The following CDK14 variants were observed in gnomAD, a reference collection of about 807,000 sequenced individuals.
CDK14 encodes cyclin dependent kinase 14.
A neutral mutation model predicts 60.7 loss-of-function variants in CDK14; 34 were observed. The ratio of observed to expected loss-of-function variants is 0.56; its 90% CI spans 0.43 to 0.75. CDK14 has a LOEUF of 0.75. Ranked by LOEUF, CDK14 falls within the 30% of genes least tolerant of loss-of-function variation. CDK14 has a pLI of 0.00. For synonymous variants in CDK14, 197 were observed against 203.7 expected, an observed-to-expected ratio of 0.97 and a Z score of 0.28; for missense variants, 482 against 564.1, an observed-to-expected ratio of 0.85 and a Z score of 1.47.
At chr7:90,874,142 G>A (rs188320649) in intron 6 of CDK14, among the ~76,000 whole-genome samples, 1 of 152,156 alleles carries the variant, frequency 6.6e-6, no homozygotes, top group Non-Finnish European at 1.5e-5. Flanking sequence ...TCCCTGAGCT[G>A]GAGCTCTTTT....
At chr7:91,188,924 C>G (rs1802270594) in intron 14 of CDK14, among the ~76,000 whole-genome samples, 1 of 151,938 alleles carries the variant, frequency 6.6e-6, no homozygotes, top group South Asian at 2.1e-4. Context: ...AACCAAGTGC[C>G]CAAAAGCGTG....
intron 5 of CDK14, among the ~76,000 whole-genome samples, chr7:90,804,682 T>C (rs1788757529): frequency 6.6e-6 from 1 of 152,152 alleles, no homozygotes; most frequent in South Asian, 2.1e-4. Context: ...TTTTCTTTTT[T>C]ATATTAATAA....
intron 3 of CDK14, among the ~76,000 whole-genome samples, chr7:90,734,741 G>T (rs1803016247): frequency 6.6e-6 from 1 of 151,970 alleles, no homozygotes. Context: ...TAGCTTTATT[G>T]CATTGGGTTA....
chr7:91,064,988 C>T (rs1797933841), intron 11 of CDK14, among the ~76,000 whole-genome samples: 1 of 151,940 alleles, frequency 6.6e-6, no homozygotes, highest in Non-Finnish European at 1.5e-5. Flanking sequence ...GTTTGGCGAC[C>T]TCATCTGGGA....
chr7:90,668,696 A>ATTATTATTTTTTTTTT (rs1554431005), intron 2 of CDK14, among the ~76,000 whole-genome samples: 1 of 68,450 alleles, frequency 1.5e-5, no homozygotes, highest in African/African-American at 6.0e-5. Context: ...AAGGACTCGC[A>ATTATTATTTTTTTTTT]TTCTTTTTTT....
intron 11 of CDK14, among the ~76,000 whole-genome samples, 178 bp downstream of exon 11, chr7:91,046,138 A>G (rs1347752738): frequency 1.3e-5 from 2 of 152,226 alleles, no homozygotes; most frequent in African/African-American, 4.8e-5. Context: ...CTGTGAAGAC[A>G]GAGTTAAAGA....
At chr7:90,900,242 G>T (rs1327413293) in intron 7 of CDK14, among the ~76,000 whole-genome samples, 1 of 152,004 alleles carries the variant, frequency 6.6e-6, no homozygotes, top group East Asian at 1.9e-4. Flanking sequence ...GGAACTTATA[G>T]GAAATCTGTC....
chr7:91,188,832 G>A (rs1474667418), intron 14 of CDK14, among the ~76,000 whole-genome samples: 2 of 152,124 alleles, frequency 1.3e-5, no homozygotes, highest in Non-Finnish European at 2.9e-5. Flanking sequence ...TTAGAAATAA[G>A]AAACTCAAAC....
At chr7:90,787,767 C>T (rs1211553839) in intron 4 of CDK14, among the ~76,000 whole-genome samples, 2 of 152,062 alleles carry the variant, frequency 1.3e-5, no homozygotes, top group African/African-American at 4.8e-5. Context: ...ATGATCATAA[C>T]TTATTAAAAA....
intron 11 of CDK14, among the ~76,000 whole-genome samples, chr7:91,060,907 T>C (rs374573912): frequency 7.2e-5 from 11 of 152,352 alleles, no homozygotes; most frequent in African/African-American, 2.4e-4. Flanking sequence ...GAAGTATCTT[T>C]GTGGCATTCT....
intron 2 of CDK14, among the ~76,000 whole-genome samples, chr7:90,639,867 C>G (rs1375647418): frequency 3.9e-5 from 6 of 152,164 alleles, no homozygotes; most frequent in Admixed American, 6.5e-5. Context: ...GCAGTTTGAT[C>G]TCAGACTGCT....
intron 14 of CDK14, among the ~76,000 whole-genome samples, chr7:91,193,304 C>A (rs901641106): frequency 6.6e-6 from 1 of 152,140 alleles, no homozygotes; most frequent in Non-Finnish European, 1.5e-5. Flanking sequence ...TGAAAAAAAT[C>A]TGCATGTAGT....
At chr7:90,937,168 T>C (rs530438383) in intron 8 of CDK14, among the ~76,000 whole-genome samples, 1 of 152,306 alleles carries the variant, frequency 6.6e-6, no homozygotes, top group Admixed American at 6.5e-5. Context: ...AAGAATAAGT[T>C]CTCAAATTCT....
At chr7:90,623,473 G>A (rs934047082) in intron 2 of CDK14, among the ~76,000 whole-genome samples, 2 of 152,204 alleles carry the variant, frequency 1.3e-5, no homozygotes, top group East Asian at 1.9e-4. Context: ...TGGCAATAGT[G>A]GGAAAGAAGG....
At chr7:90,675,967 A>G (rs945937082) in intron 2 of CDK14, among the ~76,000 whole-genome samples, 7 of 152,240 alleles carry the variant, frequency 4.6e-5, no homozygotes, top group Non-Finnish European at 8.8e-5. Flanking sequence ...AGGTGGAGTT[A>G]GCAAACTACA....
At chr7:91,029,672 T>C (rs993375126) in intron 10 of CDK14, among the ~76,000 whole-genome samples, 5 of 144,270 alleles carry the variant, frequency 3.5e-5, no homozygotes, top group Admixed American at 1.4e-4. Flanking sequence ...CTATTATAAA[T>C]GGGAGTGAGT....
intron 5 of CDK14, among the ~76,000 whole-genome samples, chr7:90,850,907 G>T (rs983073396): frequency 6.6e-6 from 1 of 152,086 alleles, no homozygotes; most frequent in Non-Finnish European, 1.5e-5. Flanking sequence ...TTTAGTCCAG[G>T]TGGTGATGCT....
intron 2 of CDK14, among the ~76,000 whole-genome samples, chr7:90,669,601 A>G (rs922107214): frequency 6.6e-6 from 1 of 152,218 alleles, no homozygotes; most frequent in African/African-American, 2.4e-5. Flanking sequence ...GAGCCAAGAG[A>G]TGGAGAGAGA....
At chr7:90,790,422 C>A (rs1199841047) in intron 4 of CDK14, 151 bp from the exon 5 acceptor site, 3 of 497,672 alleles carry the variant, frequency 6.0e-6, no homozygotes. Context: ...ACAGAATTCC[C>A]AGCCGAAACC....
Sources: gnomAD v4.1 joint callset for allele counts (sites outside exome capture counted in the v4.1 genomes callset) on GRCh38, gnomAD v4.1.1 for gene constraint, MANE v1.5 for transcripts, NCBI Gene and HGNC (gene_info 2026-07-23, HGNC 2026-07-21) for gene names.